Variants in SYT17 observed in about 807,000 individuals in gnomAD.
The protein encoded by SYT17 is synaptotagmin 17, also known as synaptotagmin-17.
A neutral mutation model predicts 46.7 loss-of-function variants in SYT17; 22 were observed. The ratio of observed to expected loss-of-function variants is 0.47; its 90% CI spans 0.34 to 0.67. SYT17 has a LOEUF of 0.67. Among genes scored for constraint, SYT17 ranks in the 30% least tolerant of loss-of-function variants. The pLI, the probability that SYT17 is intolerant of heterozygous loss-of-function variation, is 0.01. For synonymous variants in SYT17, 251 were observed against 248.4 expected, an observed-to-expected ratio of 1.01 and a Z score of -0.10; for missense variants, 519 against 612.8, an observed-to-expected ratio of 0.85 and a Z score of 1.62.
chr16:19,200,028 A>C (rs1030985939), intron 5 of SYT17, among the ~76,000 whole-genome samples: 3 of 152,378 alleles, frequency 2.0e-5, no homozygotes, highest in Non-Finnish European at 4.4e-5. Flanking sequence ...ACTTGCCCAC[A>C]GTCATCCAGT....
intron 5 of SYT17, among the ~76,000 whole-genome samples, chr16:19,197,683 C>T (rs1349822755): frequency 6.6e-6 from 1 of 152,102 alleles, no homozygotes; most frequent in Non-Finnish European, 1.5e-5. Context: ...GCCTTGGTCT[C>T]CCAAAGTGCA....
chr16:19,184,571 T>C (rs1295213778), intron 5 of SYT17, among the ~76,000 whole-genome samples: 14 of 151,854 alleles, frequency 9.2e-5, no homozygotes, highest in African/African-American at 2.9e-4. Context: ...TATTTTTTTT[T>C]TTTTTAGTAG....
chr16:19,262,757 A>G (rs1340108423), intron 7 of SYT17, among the ~76,000 whole-genome samples: 1 of 152,234 alleles, frequency 6.6e-6, no homozygotes, highest in Admixed American at 6.5e-5. Flanking sequence ...GGTAGCTTGC[A>G]GAGGTCCAGC....
At chr16:19,261,662 A>G (rs1346759394) in intron 7 of SYT17, among the ~76,000 whole-genome samples, 1 of 152,228 alleles carries the variant, frequency 6.6e-6, no homozygotes, top group Non-Finnish European at 1.5e-5. Context: ...CTTCCCAGAG[A>G]GAGCCACTCT....
intron 5 of SYT17, among the ~76,000 whole-genome samples, chr16:19,186,620 G>A (rs1964801924): frequency 6.6e-6 from 1 of 152,276 alleles, no homozygotes; most frequent in African/African-American, 2.4e-5. Context: ...TATCAGCCAA[G>A]TAGTGGCTGT....
intron 5 of SYT17, among the ~76,000 whole-genome samples, chr16:19,215,268 C>T (rs1296764390): frequency 1.3e-5 from 2 of 152,174 alleles, no homozygotes; most frequent in Non-Finnish European, 2.9e-5. Context: ...TGGCCAAGAG[C>T]ACACACCTGT....
chr16:19,268,049 T>A lies in SYT17; in HGVS notation c.*973T>A, dbSNP rs2143005868. The A allele has an allele frequency of 6.6e-6, 1 of 151,944 alleles. No individual in the cohort carries two copies. Among genetic ancestry groups the A allele is most frequent in the East Asian group, 2.0e-4 (1 of 5,122 alleles). The allele number at this position is 151,944 out of a possible 1,614,324, so 9.4% of individuals were successfully genotyped here. ...TGGTGATTGTGACCCACGAAAGACA[T>A]ACAAAGACTTGATATATGGATTAAA... On this transcript the variant is annotated 3_prime_UTR_variant, in exon 8 of 8. Transcript: ENST00000355377.
At chr16:19,220,219 G>A (rs561473567) in intron 5 of SYT17, among the ~76,000 whole-genome samples, 1 of 152,088 alleles carries the variant, frequency 6.6e-6, no homozygotes, top group African/African-American at 2.4e-5. Flanking sequence ...AAGGGGGCAG[G>A]TCCCATCTAA....
At chr16:19,256,388 CT>C (rs1428304762) in intron 7 of SYT17, among the ~76,000 whole-genome samples, 6 of 149,890 alleles carry the variant, frequency 4.0e-5, no homozygotes, top group African/African-American at 1.5e-4. Context: ...GCCATTCTGA[CT>C]GTTGGCCTTT....
intron 7 of SYT17, among the ~76,000 whole-genome samples, chr16:19,254,542 T>G (rs1597039280): frequency 1.3e-5 from 2 of 152,182 alleles, no homozygotes; most frequent in African/African-American, 4.8e-5. Context: ...CAACATAACA[T>G]TCTAATGATA....
intron 7 of SYT17, among the ~76,000 whole-genome samples, chr16:19,236,826 G>A (rs1966855490): frequency 6.6e-6 from 1 of 152,136 alleles, no homozygotes; most frequent in Non-Finnish European, 1.5e-5. Context: ...AGATTTTACT[G>A]AGCCTCAATC....
chr16:19,248,398 T>A (rs1967749465), intron 7 of SYT17, among the ~76,000 whole-genome samples: 1 of 152,126 alleles, frequency 6.6e-6, no homozygotes, highest in African/African-American at 2.4e-5. Context: ...CAAAAACATA[T>A]GTCTACAAAA....
At chr16:19,209,986 A>T (rs1022088399) in intron 5 of SYT17, among the ~76,000 whole-genome samples, 4 of 152,208 alleles carry the variant, frequency 2.6e-5, no homozygotes, top group Non-Finnish European at 5.9e-5. Flanking sequence ...GCCTAATGGA[A>T]TGTTGTATGT....
chr16:19,252,684 C>A (rs1968273347), intron 7 of SYT17, among the ~76,000 whole-genome samples: 1 of 149,812 alleles, frequency 6.7e-6, no homozygotes, highest in Non-Finnish European at 1.5e-5. Flanking sequence ...GGATTCTATT[C>A]CTCAACTTAA....
At chr16:19,198,826 A>C (rs1463728391) in intron 5 of SYT17, among the ~76,000 whole-genome samples, 2 of 152,258 alleles carry the variant, frequency 1.3e-5, no homozygotes, top group African/African-American at 4.8e-5. Context: ...AATAAATGTC[A>C]ATGTCAGTCA....
intron 7 of SYT17, among the ~76,000 whole-genome samples, chr16:19,227,009 T>C (rs993792244): frequency 6.6e-6 from 1 of 152,212 alleles, no homozygotes; most frequent in African/African-American, 2.4e-5. Flanking sequence ...GTCTGGGTCC[T>C]GGCTTTACCA....
At chr16:19,218,908 C>A (rs1966195398) in intron 5 of SYT17, among the ~76,000 whole-genome samples, 1 of 152,128 alleles carries the variant, frequency 6.6e-6, no homozygotes, top group African/African-American at 2.4e-5. Context: ...CATGTTGTTC[C>A]CTCTGCCCCA....
At chr16:19,259,682 A>ATTTTTTTTTTTT (rs67609928) in intron 7 of SYT17, among the ~76,000 whole-genome samples, 1 of 147,924 alleles carries the variant, frequency 6.8e-6, no homozygotes. Flanking sequence ...GAATGTTTTG[A>ATTTTTTTTTTTT]TTTTTTTTTT....
At chr16:19,176,139 TTCTC>T (rs138449515) in intron 3 of SYT17, among the ~76,000 whole-genome samples, 2 of 152,140 alleles carry the variant, frequency 1.3e-5, no homozygotes, top group Non-Finnish European at 2.9e-5. Context: ...ATCAGAGCCT[TTCTC>T]TCTCTCTCTT....
Sources: gnomAD v4.1 joint callset for allele counts (sites outside exome capture counted in the v4.1 genomes callset) on GRCh38, gnomAD v4.1.1 for gene constraint, MANE v1.5 for transcripts, NCBI Gene and HGNC (gene_info 2026-07-23, HGNC 2026-07-21) for gene names.